TBC1D4: variants seen among roughly 807,000 people sequenced by gnomAD.
TBC1D4 encodes the protein TBC (Tre-2, BUB2, CDC16) domain-containing protein.
TBC1D4 carries 121 observed loss-of-function variants against 142.5 expected under a neutral mutation model. The observed-to-expected ratio is 0.85, with a 90% CI of 0.73 to 0.99. The LOEUF is 0.99. Ranked by LOEUF, TBC1D4 falls within the 50% of genes least tolerant of loss-of-function variation. TBC1D4 has a pLI of 0.00. For synonymous variants in TBC1D4, 630 were observed against 628.2 expected, an observed-to-expected ratio of 1.00 and a Z score of -0.04; for missense variants, 1,475 against 1,606.6, an observed-to-expected ratio of 0.92 and a Z score of 1.40.
At chr13:75,356,034 C>T in intron 4 of TBC1D4, 113 bp downstream of exon 4, 1 of 806,568 alleles carries the variant, frequency 1.2e-6, no homozygotes, top group Non-Finnish European at 2.1e-6. Context: ...TTCTAGACGC[C>T]TTCTTCTTTT....
At chr13:75,339,587 C>CTT (rs34336000) in intron 7 of TBC1D4, among the ~76,000 whole-genome samples, 26 of 147,892 alleles carry the variant, frequency 1.8e-4, no homozygotes, top group South Asian at 8.6e-4. Context: ...GCTCAATGTT[C>CTT]TTTTTTTTTT....
chr13:75,420,025 C>T (rs1030503715), intron 1 of TBC1D4, among the ~76,000 whole-genome samples: 2 of 152,076 alleles, frequency 1.3e-5, no homozygotes, highest in African/African-American at 2.4e-5. Flanking sequence ...AAGAACACTG[C>T]GTGAACAAAC....
At chr13:75,347,154 C>A (rs370821420) in intron 5 of TBC1D4, among the ~76,000 whole-genome samples, 4 of 152,294 alleles carry the variant, frequency 2.6e-5, no homozygotes, top group South Asian at 4.1e-4. Context: ...ATCAGTATTA[C>A]ACAAACGTAT....
intron 1 of TBC1D4, among the ~76,000 whole-genome samples, chr13:75,414,620 G>T (rs1239738514): frequency 6.6e-6 from 1 of 152,040 alleles, no homozygotes; most frequent in Non-Finnish European, 1.5e-5. Flanking sequence ...GGTGTGGTCT[G>T]TGTGGGTGTG....
At chr13:75,340,328 C>A (rs540469277) in intron 7 of TBC1D4, among the ~76,000 whole-genome samples, 1 of 152,290 alleles carries the variant, frequency 6.6e-6, no homozygotes, top group East Asian at 1.9e-4. Context: ...GATGTTACGG[C>A]TGGTGGTCCT....
At chr13:75,337,250 T>C (rs1296529959) in intron 7 of TBC1D4, among the ~76,000 whole-genome samples, 1 of 152,160 alleles carries the variant, frequency 6.6e-6, no homozygotes, top group Non-Finnish European at 1.5e-5. Flanking sequence ...AAAAGACAGA[T>C]GTAAAATATT....
intron 12 of TBC1D4, among the ~76,000 whole-genome samples, chr13:75,318,461 T>C (rs970297763): frequency 2.0e-5 from 3 of 152,242 alleles, no homozygotes; most frequent in African/African-American, 7.2e-5. Context: ...TTCATTAGTG[T>C]GATAGCAACT....
chr13:75,446,839 ATT>A (rs200302498), intron 1 of TBC1D4, among the ~76,000 whole-genome samples: 1 of 149,150 alleles, frequency 6.7e-6, no homozygotes, highest in African/African-American at 2.5e-5. Flanking sequence ...AGTCCATATA[ATT>A]TTTTTTTTTA....
Position 75,462,155 on chromosome 13 carries a change from C to T in TBC1D4, c.498+19115G>A, listed in dbSNP as rs116350211. On this transcript the variant is annotated intron_variant, in intron 1 of 20. Coordinates refer to ENST00000377636, the MANE Select transcript of TBC1D4 (RefSeq NM_014832.5). ...AGAATTACCCTCTAAAAATCCTATG[C>T]CATCACCATTATTATATTATTATTA... Among the ~76,000 whole-genome samples, 677 of 152,228 alleles carry T rather than the reference C, an allele frequency of 4.4e-3. 11 individuals carry two copies. The highest frequency in any genetic ancestry group is 0.016 in the African/African-American group (659 of 41,520).
intron 1 of TBC1D4, among the ~76,000 whole-genome samples, chr13:75,474,692 A>G (rs1042968299): frequency 7.2e-5 from 4 of 55,428 alleles, no homozygotes; most frequent in Non-Finnish European, 2.2e-4. Flanking sequence ...GCTAAAGTGC[A>G]GTGGTACGAT....
intron 1 of TBC1D4, among the ~76,000 whole-genome samples, chr13:75,474,573 A>C (rs1888556254): frequency 6.6e-6 from 1 of 151,462 alleles, no homozygotes; most frequent in African/African-American, 2.4e-5. Context: ...AGAAAAGAAA[A>C]CAAGCTTTAG....
intron 11 of TBC1D4, among the ~76,000 whole-genome samples, chr13:75,321,386 A>G (rs1188405577): frequency 6.6e-6 from 1 of 152,140 alleles, no homozygotes; most frequent in East Asian, 1.9e-4. Flanking sequence ...GACACGATGC[A>G]TGCAACTTAT....
chr13:75,409,755 T>G (rs1885518043), intron 1 of TBC1D4, among the ~76,000 whole-genome samples: 1 of 152,214 alleles, frequency 6.6e-6, no homozygotes, highest in Admixed American at 6.5e-5. Context: ...TTCTCTGCAA[T>G]CCCAGCTTCT....
At chr13:75,339,877 A>G (rs1000868696) in intron 7 of TBC1D4, among the ~76,000 whole-genome samples, 7 of 152,166 alleles carry the variant, frequency 4.6e-5, no homozygotes, top group African/African-American at 1.4e-4. Context: ...CGGCCCAAAA[A>G]GTACAGTTCC....
At chr13:75,441,598 TA>T (rs1887044223) in intron 1 of TBC1D4, among the ~76,000 whole-genome samples, 1 of 152,228 alleles carries the variant, frequency 6.6e-6, no homozygotes, top group Non-Finnish European at 1.5e-5. Flanking sequence ...TATGATTTTT[TA>T]TCTTCCATAG....
chr13:75,289,425 T>C (rs1028355940), intron 19 of TBC1D4, among the ~76,000 whole-genome samples: 2 of 152,042 alleles, frequency 1.3e-5, no homozygotes, highest in Admixed American at 6.6e-5. Flanking sequence ...CCAAGTGTAT[T>C]TGGCAGCTAA....
At chr13:75,342,455 G>A (rs916704482) in intron 5 of TBC1D4, among the ~76,000 whole-genome samples, 8 of 152,154 alleles carry the variant, frequency 5.3e-5, no homozygotes, top group Admixed American at 1.3e-4. Flanking sequence ...TCTCTTCCCC[G>A]ATGCAGCTCT....
intron 1 of TBC1D4, among the ~76,000 whole-genome samples, chr13:75,433,649 A>C (rs192674168): frequency 3.9e-5 from 6 of 152,328 alleles, no homozygotes; most frequent in Admixed American, 1.3e-4. Context: ...ATTTTACACC[A>C]TGTTATATTG....
intron 7 of TBC1D4, among the ~76,000 whole-genome samples, chr13:75,339,373 C>G (rs1395037253): frequency 6.6e-6 from 1 of 152,024 alleles, no homozygotes; most frequent in East Asian, 1.9e-4. Flanking sequence ...CTTTGTGGTG[C>G]AAATCTGATC....
Sources: allele counts gnomAD v4.1 joint callset (sites outside exome capture counted in the v4.1 genomes callset), GRCh38; gene constraint gnomAD v4.1.1; transcripts MANE v1.5; gene names NCBI Gene and HGNC (gene_info 2026-07-23, HGNC 2026-07-21).